Variants in STPG1 observed in about 807,000 individuals in gnomAD.
The protein encoded by STPG1 is sperm tail PG-rich repeat containing 1.
STPG1 carries 33 observed loss-of-function variants against 40.1 expected under a neutral mutation model. That is an observed-to-expected ratio of 0.82 (90% CI 0.62 to 1.10). The LOEUF is 1.10. Among genes scored for constraint, STPG1 ranks in the 50% least tolerant of loss-of-function variants. STPG1 has a pLI of 0.00. For synonymous variants in STPG1, 150 were observed against 155.0 expected (o/e 0.97, Z 0.24); for missense variants, 396 against 415.1 (o/e 0.95, Z 0.40).
chr1:24,405,032 A>C (rs1043354177), intron 1 of STPG1, among the ~76,000 whole-genome samples: 5 of 152,222 alleles, frequency 3.3e-5, no homozygotes, highest in Non-Finnish European at 7.3e-5. Flanking sequence ...ATCTCAGCTC[A>C]CTGCAACCTC....
chr1:24,378,833 T>C (rs937643542), intron 5 of STPG1, among the ~76,000 whole-genome samples: 3 of 152,232 alleles, frequency 2.0e-5, no homozygotes, highest in Admixed American at 6.5e-5. Context: ...CGTTGCCTTA[T>C]GGTAACCCTG....
rs1640927907 is a variant in STPG1 at position 24,359,231 on chromosome 1, A to G, written c.929-612T>C. Among the ~76,000 whole-genome samples the G allele has an allele frequency of 6.6e-6, 1 of 152,228 alleles. No individual in the cohort carries two copies. The highest frequency in any genetic ancestry group is 1.5e-5 in the Non-Finnish European group (1 of 68,040). On this transcript the variant is annotated intron_variant, in intron 8 of 8. Transcript: ENST00000337248. This position sits in a 1 kb window ranked among gnomAD's most constrained non-coding sequence, Gnocchi z 5.3. ...ACGTGCCCAGGAAACCCCTCGCAGAAGCCCACCTTGGCATGGGTGATCAGA... is the reference window on the plus strand; with the variant it reads ...ACGTGCCCAGGAAACCCCTCGCAGAGGCCCACCTTGGCATGGGTGATCAGA...
At chr1:24,372,529 G>T (rs115709198) in intron 6 of STPG1, among the ~76,000 whole-genome samples, 1 of 152,182 alleles carries the variant, frequency 6.6e-6, no homozygotes, top group Non-Finnish European at 1.5e-5. Context: ...ACATCCCAGG[G>T]CTCACTGGCA....
rs193292620 is a variant in STPG1, at chr1:24,395,679, G to T, written c.71-4000C>A. On this transcript the variant is annotated intron_variant, in intron 2 of 8. Coordinates refer to ENST00000337248, the MANE Select transcript of STPG1 (RefSeq NM_001199013.2). The stretch of plus-strand genomic sequence containing the variant: ...GATCTCCTGACCTCATGATCTGCCC[G>T]CCCCGGCTTCTCAAAGTGCTGGGAT... Among the ~76,000 whole-genome samples, 472 of 152,156 alleles carry T rather than the reference G, an allele frequency of 3.1e-3. 1 individual carries two copies. Among genetic ancestry groups the T allele is most frequent in the Non-Finnish European group, 4.5e-3 (308 of 67,982 alleles).
chr1:24,411,266 G>C (rs766486234), intron 1 of STPG1, among the ~76,000 whole-genome samples: 51 of 152,110 alleles, frequency 3.4e-4, no homozygotes, highest in Non-Finnish European at 2.1e-4. Context: ...AGTTTGGTGG[G>C]GGGTTAAGTG....
At chr1:24,362,787 C>T (rs1262229642) in intron 7 of STPG1, among the ~76,000 whole-genome samples, 1 of 152,168 alleles carries the variant, frequency 6.6e-6, no homozygotes, top group East Asian at 1.9e-4. Flanking sequence ...TGCTTGGGCT[C>T]ACATCTTGTG....
chr1:24,410,183 C>T (rs1174603194), intron 1 of STPG1, among the ~76,000 whole-genome samples: 1 of 152,130 alleles, frequency 6.6e-6, no homozygotes, highest in Non-Finnish European at 1.5e-5. Flanking sequence ...GGGTATTATC[C>T]ACTGTTTCAC....
At chr1:24,369,539 T>A in intron 7 of STPG1, 135 bp downstream of exon 7, 1 of 892,854 alleles carries the variant, frequency 1.1e-6, no homozygotes, top group South Asian at 1.6e-5. Context: ...CATCATTATG[T>A]GTGACTAAGG....
chr1:24,374,819 T>A (rs1283237966), intron 5 of STPG1, among the ~76,000 whole-genome samples: 2 of 151,292 alleles, frequency 1.3e-5, no homozygotes, highest in Non-Finnish European at 2.9e-5. Context: ...AGAGATGGGG[T>A]TTCACCATGT....
chr1:24,401,247 C>T (rs764808226), intron 2 of STPG1, 72 bp downstream of exon 2: 84 of 1,381,178 alleles, frequency 6.1e-5, no homozygotes, highest in Non-Finnish European at 8.2e-5. Flanking sequence ...TACTATTCCC[C>T]CCAAATTTGC....
rs1569989698 is a variant in STPG1, at chr1:24,367,090, G to A, written c.737+2584C>T. 2.6e-5 allele frequency among the ~76,000 whole-genome samples: 4 copies of A among 152,312 alleles called. No homozygotes were observed. The Middle Eastern group carries it at 0.014, about 518-fold the overall frequency. ...TGCCCAGTGGGAAGACGGCCCCATGGGTTGTACATGGCCATACACCCCTGG... is the reference window on the plus strand; with the variant it reads ...TGCCCAGTGGGAAGACGGCCCCATGAGTTGTACATGGCCATACACCCCTGG... On this transcript the variant is annotated intron_variant, in intron 7 of 8. Transcript: ENST00000337248.
intron 3 of STPG1, among the ~76,000 whole-genome samples, chr1:24,386,590 C>T (rs1401691624): frequency 6.6e-6 from 1 of 152,222 alleles, no homozygotes; most frequent in Non-Finnish European, 1.5e-5. Flanking sequence ...CACACCACCG[C>T]CTTCGTGCAA....
At chr1:24,360,813 G>T (rs1232056767) in intron 8 of STPG1, 38 bp downstream of exon 8, 2 of 1,543,438 alleles carry the variant, frequency 1.3e-6, no homozygotes, top group Non-Finnish European at 1.8e-6. Flanking sequence ...AGTTCCAGAA[G>T]ATTTGGTTTT....
At chr1:24,372,388 C>T (rs1018347758) in intron 6 of STPG1, among the ~76,000 whole-genome samples, 3 of 152,186 alleles carry the variant, frequency 2.0e-5, no homozygotes, top group African/African-American at 7.2e-5. Context: ...GCCCCTGGCA[C>T]CCACGGGGAG....
rs115526753 is a variant in STPG1, at chr1:24,367,465, C to T, written c.737+2209G>A. Among the ~76,000 whole-genome samples the T allele has an allele frequency of 8.3e-3, 1,266 of 152,270 alleles. 13 individuals carry two copies. The highest frequency in any genetic ancestry group is 0.027 in the African/African-American group (1,139 of 41,542). ...ATAACAGCTGTATTGTATAATATAG[C>T]CTAGTAGGTCTATAGGATATACAAT... On this transcript the variant is annotated intron_variant, in intron 7 of 8. Coordinates refer to ENST00000337248, the MANE Select transcript of STPG1 (RefSeq NM_001199013.2).
intron 5 of STPG1, among the ~76,000 whole-genome samples, chr1:24,378,792 T>C (rs1642148956): frequency 6.6e-6 from 1 of 152,250 alleles, no homozygotes; most frequent in Admixed American, 6.5e-5. Flanking sequence ...GTACAATTCA[T>C]ATCTTGCGCA....
rs545393389 is a variant in STPG1 at position 24,381,891 on chromosome 1, G to A, written c.291+2011C>T. 3.3e-5 allele frequency among the ~76,000 whole-genome samples: 5 copies of A among 152,322 alleles called. No individual in the cohort carries two copies. The East Asian group carries it at 7.7e-4, about 24-fold the overall frequency. On this transcript the variant is annotated intron_variant, in intron 4 of 8. Coordinates refer to ENST00000337248, the MANE Select transcript of STPG1 (RefSeq NM_001199013.2). Reference sequence around the variant, plus strand: ...TATGAAATTCTCATCCAGTTCACACGGGAATGAGGTAAAACGCAGAGATCT... The same window carrying A: ...TATGAAATTCTCATCCAGTTCACACAGGAATGAGGTAAAACGCAGAGATCT...
At chr1:24,386,882 C>T (rs764590162) in intron 3 of STPG1, among the ~76,000 whole-genome samples, 1 of 152,200 alleles carries the variant, frequency 6.6e-6, no homozygotes, top group Non-Finnish European at 1.5e-5. Flanking sequence ...AGAGAACTCG[C>T]ATTTACTAGT....
rs757435376 is a variant in STPG1, at chr1:24,358,264, C to T, written c.*279G>A. ...TGCCGGAAGGCAGCCTGGATGGGTGCGTGGGGAAGCAGCCAGGGGGCTCTG... is the reference window on the plus strand; with the variant it reads ...TGCCGGAAGGCAGCCTGGATGGGTGTGTGGGGAAGCAGCCAGGGGGCTCTG... On this transcript the variant is annotated 3_prime_UTR_variant, in exon 9 of 9. Coordinates refer to ENST00000337248, the MANE Select transcript of STPG1 (RefSeq NM_001199013.2). 1.6e-6 allele frequency: 1 copy of T among 633,664 alleles called. No individual in the cohort carries two copies. The highest frequency in any genetic ancestry group is 1.8e-5 in the African/African-American group (1 of 55,854). 39.3% of individuals were successfully genotyped at this position (633,664 alleles called of 1,614,324 possible). A position where few individuals can be genotyped will look rare whatever the true frequency, so the allele number is the denominator to read the frequency against.
Sources: gnomAD v4.1 joint callset for allele counts (sites outside exome capture counted in the v4.1 genomes callset) on GRCh38, gnomAD v4.1.1 for gene constraint, Gnocchi (gnomAD v3.1) non-coding constraint, MANE v1.5 for transcripts, NCBI Gene and HGNC (gene_info 2026-07-23, HGNC 2026-07-21) for gene names.